Variants in KDM1B observed in about 807,000 individuals in gnomAD.
KDM1B encodes the protein lysine demethylase 1B, also known as lysine-specific histone demethylase 2.
Under a neutral mutation model 107.4 loss-of-function variants are expected in KDM1B, and 63 were observed. The observed-to-expected ratio is 0.59, with a 90% CI of 0.48 to 0.72. The LOEUF (loss-of-function observed/expected upper bound fraction) is 0.72. Ranked by LOEUF, KDM1B falls within the 30% of genes least tolerant of loss-of-function variation. KDM1B has a pLI of 0.00. For missense variants in KDM1B, 749 were observed against 1,020.8 expected (o/e 0.73, Z 3.63); for synonymous variants, 363 against 363.9 (o/e 1.00, Z 0.03).
intron 7 of KDM1B, among the ~76,000 whole-genome samples, chr6:18,173,917 C>G (rs906807741): frequency 2.0e-5 from 3 of 152,128 alleles, no homozygotes; most frequent in African/African-American, 7.2e-5. Context: ...TCCCAAGTAG[C>G]TGGGACTACA....
In KDM1B at chr6:18,166,316, A is replaced by G. The variant is rs1785290038; in HGVS notation, c.355A>G (p.Ser119Gly). ...TACTACATGGAAAAAAATATGGACT[A>G]GCAATGGCAAAACCGAACCTAGTCC... ...KYTTWKKIWT[S>G]NGKTEPSPKA... The change falls in exon 6 of 22, where the codon AGC becomes GGC. Residue 119 changes from serine (S) to glycine (G), a missense_variant. Transcript: ENST00000650836. 3 of 1,613,100 alleles carry G rather than the reference A, an allele frequency of 1.9e-6. No individual in the cohort carries two copies. Among genetic ancestry groups the G allele is most frequent in the Non-Finnish European group, 2.5e-6 (3 of 1,179,180 alleles).
rs529317765 is a variant in KDM1B, at chr6:18,200,246, C to T, written c.1222-193C>T. Reference sequence around the variant, plus strand: ...CCACTCAGTTTTTCCTCGCTAGAGTCTAGATGGATTGTTTTGAACATCTAT... The same window carrying T: ...CCACTCAGTTTTTCCTCGCTAGAGTTTAGATGGATTGTTTTGAACATCTAT... On this transcript the variant is annotated intron_variant, in intron 12 of 21. Transcript: ENST00000650836. The surrounding 1 kb of genome is among the most constrained non-coding windows in gnomAD (Gnocchi z 4.3). Among the ~76,000 whole-genome samples, 1 of 152,316 alleles carries T rather than the reference C, an allele frequency of 6.6e-6. No individual in the cohort carries two copies. The highest frequency in any genetic ancestry group is 2.1e-4 in the South Asian group (1 of 4,830).
intron 8 of KDM1B, 150 bp from the exon 9 acceptor site, chr6:18,187,642 G>C: frequency 4.6e-6 from 2 of 434,428 alleles, no homozygotes; most frequent in South Asian, 7.6e-5. Context: ...TGTGTGTAGA[G>C]CTCTGGAATA....
Position 18,215,143 on chromosome 6 carries a change from A to G in KDM1B, c.2232+14A>G. On this transcript the variant is annotated intron_variant, in intron 20 of 21. Coordinates refer to ENST00000650836, the MANE Select transcript of KDM1B (RefSeq NM_001364614.2). ...TTCAAGGAGCAGGTGAGAGAGAGGA[A>G]GCCCTCCTTGAAAGGGGCAAGCCGT... 2 of 1,608,334 alleles carry G rather than the reference A, an allele frequency of 1.2e-6. 1 individual carries two copies. Among genetic ancestry groups the G allele is most frequent in the South Asian group, 2.2e-5 (2 of 90,922 alleles).
chr6:18,220,620 G>T (rs1038920746), intron 21 of KDM1B, among the ~76,000 whole-genome samples: 1 of 152,192 alleles, frequency 6.6e-6, no homozygotes, highest in African/African-American at 2.4e-5. Flanking sequence ...ACCTTACTCT[G>T]TGGCAAGGGG....
At chr6:18,207,556 G>A (rs1788468103) in intron 16 of KDM1B, 27 bp downstream of exon 16, 3 of 1,612,762 alleles carry the variant, frequency 1.9e-6, no homozygotes, top group South Asian at 2.2e-5. Context: ...GGGAGGCTCT[G>A]GCTCGCCTTG....
Position 18,171,947 on chromosome 6 carries a change from T to C in KDM1B, c.534+468T>C, listed in dbSNP as rs574152999. Among the ~76,000 whole-genome samples the C allele has an allele frequency of 3.3e-5, 5 of 152,342 alleles. No homozygotes were observed. In the South Asian group the frequency reaches 1.0e-3, roughly 32 times the overall value. ...TCAGTAGATTTCTATTTATATCTCA[T>C]TGGCGAGAACAGGATCATGCAGCTA... On this transcript the variant is annotated intron_variant, in intron 7 of 21. Coordinates refer to ENST00000650836, the MANE Select transcript of KDM1B (RefSeq NM_001364614.2).
chr6:18,165,967 A>G (rs899224496), intron 5 of KDM1B, among the ~76,000 whole-genome samples: 5 of 152,204 alleles, frequency 3.3e-5, no homozygotes, highest in African/African-American at 1.2e-4. Context: ...GTGAACAGTC[A>G]CTGTACTCCA....
chr6:18,216,515 G>A lies in KDM1B; in HGVS notation c.2233-1218G>A, dbSNP rs544575163. On this transcript the variant is annotated intron_variant, in intron 20 of 21. Transcript: ENST00000650836. ...CGTTTCTATAGAAATATTGTTTATCGTGTTGCTTGTTGGAGGCCAGCTGAC... is the reference window on the plus strand; with the variant it reads ...CGTTTCTATAGAAATATTGTTTATCATGTTGCTTGTTGGAGGCCAGCTGAC... 9.9e-5 allele frequency among the ~76,000 whole-genome samples: 15 copies of A among 152,252 alleles called. No individual in the cohort carries two copies. The South Asian group carries it at 2.3e-3, about 23-fold the overall frequency.
rs1010214389 is a variant in KDM1B at position 18,223,112 on chromosome 6, C to G, written c.*1120C>G. Reference sequence around the variant, plus strand: ...CACTGGTTGCAGGGTCTTCAGGATGCCTATTTTGCCAAGAAACTTCAGTAT... The same window carrying G: ...CACTGGTTGCAGGGTCTTCAGGATGGCTATTTTGCCAAGAAACTTCAGTAT... On this transcript the variant is annotated 3_prime_UTR_variant, in exon 22 of 22. Coordinates refer to ENST00000650836, the MANE Select transcript of KDM1B (RefSeq NM_001364614.2). 2.0e-5 allele frequency: 3 copies of G among 152,364 alleles called. No individual in the cohort carries two copies. The highest frequency in any genetic ancestry group is 7.3e-5 in the African/African-American group (3 of 41,354). 9.4% of individuals were successfully genotyped at this position (152,364 alleles called of 1,614,324 possible).
In KDM1B at chr6:18,198,657, AC is replaced by A. The variant is rs67967882; in HGVS notation, c.1221+997del. 7.4e-4 allele frequency among the ~76,000 whole-genome samples: 109 copies of A among 147,006 alleles called. 14 individuals carry two copies. The highest frequency in any genetic ancestry group is 8.9e-4 in the Non-Finnish European group (58 of 65,434). ...CATCTCAAAAAAAAAAAAAAAAAAA[AC>A]AAAACGCCCTTTGAATCTCATTTCA... On this transcript the variant is annotated intron_variant, in intron 12 of 21. Coordinates refer to ENST00000650836, the MANE Select transcript of KDM1B (RefSeq NM_001364614.2).
chr6:18,202,533 G>A (rs918436217), intron 14 of KDM1B, among the ~76,000 whole-genome samples: 1 of 152,144 alleles, frequency 6.6e-6, no homozygotes, highest in African/African-American at 2.4e-5. Context: ...AAATTTTACT[G>A]TATTGCTTCT....
chr6:18,167,596 C>T (rs1286475859), intron 6 of KDM1B, among the ~76,000 whole-genome samples: 1 of 151,094 alleles, frequency 6.6e-6, no homozygotes, highest in African/African-American at 2.4e-5. Flanking sequence ...ACCTCAGCCT[C>T]CCTAATAGCT....
At chr6:18,180,334 A>G (rs532044555) in intron 7 of KDM1B, among the ~76,000 whole-genome samples, 1 of 152,184 alleles carries the variant, frequency 6.6e-6, no homozygotes, top group Admixed American at 6.5e-5. Context: ...TGTGTCCCAG[A>G]TTACTTGACA....
At chr6:18,160,599 G>A (rs1203013632) in intron 3 of KDM1B, among the ~76,000 whole-genome samples, 1 of 151,996 alleles carries the variant, frequency 6.6e-6, no homozygotes, top group Non-Finnish European at 1.5e-5. Context: ...TTAGCTGGGT[G>A]TGGTGGCGGG....
intron 6 of KDM1B, 43 bp downstream of exon 6, chr6:18,166,421 C>A: frequency 1.1e-5 from 12 of 1,140,278 alleles, no homozygotes; most frequent in Non-Finnish European, 1.5e-5. Context: ...ATTTGTGGAG[C>A]CAAATGCAAG....
At position 18,162,183 on chromosome 6, in the gene KDM1B, C is replaced by T. The variant is rs548064697; in HGVS notation, c.216-652C>T. On this transcript the variant is annotated intron_variant, in intron 4 of 21. Transcript: ENST00000650836. This position sits in a 1 kb window ranked among gnomAD's most constrained non-coding sequence, Gnocchi z 4.1. ...TAAAAATACACAAATTAGCTGGGCA[C>T]GGTGGCAGAAGCCTGTAATCCCAGC... Among the ~76,000 whole-genome samples the T allele has an allele frequency of 5.3e-5, 8 of 151,944 alleles. No homozygotes were observed. The highest frequency in any genetic ancestry group is 2.1e-4 in the South Asian group (1 of 4,816).
intron 7 of KDM1B, among the ~76,000 whole-genome samples, chr6:18,181,722 A>G (rs1377403869): frequency 6.6e-6 from 1 of 152,192 alleles, no homozygotes; most frequent in African/African-American, 2.4e-5. Flanking sequence ...CTCCAGCCTA[A>G]GTGACACAGT....
In KDM1B at chr6:18,210,342, C is replaced by CTTTTTTTTTTTTTTTTTTTT. The variant is rs533016543; in HGVS notation, c.1867-2135_1867-2116dup. ...TCTTTCTTTTTTTTCTCTTTCTTTT[C>CTTTTTTTTTTTTTTTTTTTT]TTTTTTTTTTTTTTTTTTTTTTTTT... is the stretch of plus-strand genomic sequence containing the variant. On this transcript the variant is annotated intron_variant, in intron 17 of 21. Coordinates refer to ENST00000650836, the MANE Select transcript of KDM1B (RefSeq NM_001364614.2). Among the ~76,000 whole-genome samples, 235 of 69,982 alleles carry CTTTTTTTTTTTTTTTTTTTT rather than the reference C, an allele frequency of 3.4e-3. 20 individuals are homozygous for CTTTTTTTTTTTTTTTTTTTT. The highest frequency in any genetic ancestry group is 4.9e-3 in the Non-Finnish European group (168 of 33,956). 45.9% of individuals were successfully genotyped at this position (69,982 alleles called of 152,430 possible). A position where few individuals can be genotyped will look rare whatever the true frequency, so the allele number is the denominator to read the frequency against.
Sources: allele counts gnomAD v4.1 joint callset (sites outside exome capture counted in the v4.1 genomes callset), GRCh38; gene constraint gnomAD v4.1.1; non-coding constraint Gnocchi (gnomAD v3.1); transcripts MANE v1.5; gene names NCBI Gene and HGNC (gene_info 2026-07-23, HGNC 2026-07-21).